C1S: variants seen among roughly 807,000 people sequenced by gnomAD.
The protein encoded by C1S is complement C1s subcomponent.
In C1S, 31 loss-of-function variants were observed where a neutral mutation model predicts 54.0. The observed-to-expected ratio is 0.57, with a 90% CI of 0.43 to 0.78. C1S has a LOEUF of 0.78. Among genes scored for constraint, C1S ranks in the 30% least tolerant of loss-of-function variants. The pLI, the probability that C1S is intolerant of heterozygous loss-of-function variation, is 0.00. For missense variants in C1S, 727 were observed against 851.8 expected (o/e 0.85, Z 1.82); for synonymous variants, 292 against 303.6 (o/e 0.96, Z 0.40).
At chr12:7,062,286 A>AAAAAAAG in intron 2 of C1S, 189 bp from the exon 3 acceptor site, 2 of 563,162 alleles carry the variant, frequency 3.6e-6, no homozygotes, top group South Asian at 2.0e-5. Context: ...AAAAAAAAAA[A>AAAAAAAG]GGGCTCTTGT....
chr12:7,066,172 A>G, intron 7 of C1S: 1 of 627,072 alleles, frequency 1.6e-6, no homozygotes, highest in Non-Finnish European at 2.8e-6. Flanking sequence ...CTTGTCTCTA[A>G]AACAAAACAA....
At chr12:7,066,932 G>T in intron 8 of C1S, 107 bp from the exon 9 acceptor site, 1 of 828,570 alleles carries the variant, frequency 1.2e-6, no homozygotes, top group Non-Finnish European at 2.1e-6. Flanking sequence ...CAAGCTTCTT[G>T]TGGTGAGGAC....
intron 7 of C1S, chr12:7,066,218 T>G: frequency 1.6e-6 from 1 of 609,482 alleles, no homozygotes; most frequent in South Asian, 2.0e-5. Flanking sequence ...ACAGATAGAT[T>G]GTTGTTCTGA....
intron 5 of C1S, 67 bp downstream of exon 5, chr12:7,064,459 C>T (rs140733400): frequency 1.3e-5 from 21 of 1,579,646 alleles, no homozygotes; most frequent in Admixed American, 1.7e-5. Context: ...TCAGAAAGGG[C>T]TTTGTCCACC....
intron 4 of C1S, chr12:7,063,502 C>A: frequency 2.8e-6 from 1 of 361,982 alleles, no homozygotes. Context: ...GGCATTCAAA[C>A]CTTCAAATTC....
intron 8 of C1S, 95 bp from the exon 9 acceptor site, chr12:7,066,944 C>T: frequency 1.1e-6 from 1 of 892,268 alleles, no homozygotes. Flanking sequence ...GGTGAGGACT[C>T]CTCATTGATC....
Position 7,064,272 on chromosome 12 carries a change from AATGAATGC to A in C1S, c.399_406del (p.Glu134ArgfsTer8). ...CCTCTTTCTACTCTTTGTAGACATA[AATGAATGC>A]ACAGATTTTGTAGATGTCCCTTGTA... is the stretch of plus-strand genomic sequence containing the variant. On this transcript the variant is annotated frameshift_variant, in exon 5 of 12. Coordinates refer to ENST00000360817, the MANE Select transcript of C1S (RefSeq NM_001734.5). LOFTEE classifies it high-confidence loss of function. 4 of 1,614,042 alleles carry A rather than the reference AATGAATGC, an allele frequency of 2.5e-6. No individual in the cohort carries two copies. The highest frequency in any genetic ancestry group is 3.4e-6 in the Non-Finnish European group (4 of 1,179,944).
chr12:7,064,070 G>GGTATATATATATATATATATA, intron 4 of C1S, 197 bp from the exon 5 acceptor site: 1 of 672,836 alleles, frequency 1.5e-6, no homozygotes. Context: ...TTATAGCTGT[G>GGTATATATATATATATATATA]TAGTGGTAGG....
At chr12:7,068,367 G>C in intron 10 of C1S, 89 bp from the exon 11 acceptor site, 1 of 913,572 alleles carries the variant, frequency 1.1e-6, no homozygotes, top group Non-Finnish European at 1.8e-6. Flanking sequence ...GGTTCTGAAG[G>C]AACGGGGCAG....
chr12:7,063,837 CA>C (rs1555161647), intron 4 of C1S: 3 of 366,342 alleles, frequency 8.2e-6, no homozygotes, highest in African/African-American at 6.4e-5. Context: ...CCAGCCTGGC[CA>C]ACATGGTGAA....
At position 7,065,170 on chromosome 12, in the gene C1S, T is replaced by A; in HGVS notation, c.588T>A (p.Tyr196Ter). ...CAAGTCCCAATTATCCCAAACCATA[T>A]CCAGAGAACTCAAGGTGTGAATACC... The part of the protein sequence containing the change: ...EIASPNYPKP[Y>*]PENSRCEYQI... Residue 196 changes from tyrosine to a stop codon, truncating the protein, a stop_gained, in exon 6 of 12, where the codon TAT becomes TAA. Coordinates refer to ENST00000360817, the MANE Select transcript of C1S (RefSeq NM_001734.5). LOFTEE classifies it high-confidence loss of function. 6.2e-7 allele frequency: 1 copy of A among 1,614,044 alleles called. No homozygotes were observed. Among genetic ancestry groups the A allele is most frequent in the Non-Finnish European group, 8.5e-7 (1 of 1,179,946 alleles).
chr12:7,066,736 A>G (rs1269639194), intron 8 of C1S, 103 bp downstream of exon 8: 2 of 775,494 alleles, frequency 2.6e-6, no homozygotes, highest in African/African-American at 1.7e-5. Context: ...TGATCAAGGT[A>G]TAACACCTTT....
chr12:7,067,410 A>G (rs1555162447), intron 9 of C1S: 1 of 672,700 alleles, frequency 1.5e-6, no homozygotes, highest in Non-Finnish European at 2.7e-6. Flanking sequence ...ACTGAGAACC[A>G]GGCTCTTCAC....
Position 7,064,364 on chromosome 12 carries a change from C to A in C1S, c.489C>A (p.Phe163Leu), listed in dbSNP as rs781962493. 3 of 1,614,084 alleles carry A rather than the reference C, an allele frequency of 1.9e-6. No homozygotes were observed. The South Asian group carries it at 3.3e-5, about 18-fold the overall frequency. ...GYFCSCPPEY[F>L]LHDDMKNCGV... ...TCTGCTCCTGCCCCCCGGAATATTT[C>A]CTCCATGATGACATGAAGAATTGCG... Residue 163 changes from phenylalanine to leucine, a missense_variant, in exon 5 of 12, where the codon TTC (phenylalanine) becomes TTA (leucine). Coordinates refer to ENST00000360817, the MANE Select transcript of C1S (RefSeq NM_001734.5).
chr12:7,066,805 G>A, intron 8 of C1S, 172 bp downstream of exon 8: 1 of 707,916 alleles, frequency 1.4e-6, no homozygotes, highest in Non-Finnish European at 2.6e-6. Flanking sequence ...GGAGCTGCCT[G>A]GCCAGCTTGG....
intron 4 of C1S, among the ~76,000 whole-genome samples, chr12:7,063,716 A>G (rs1192895814): frequency 1.3e-5 from 2 of 152,192 alleles, no homozygotes; most frequent in African/African-American, 4.8e-5. Context: ...AGAAAAGTCA[A>G]GGATCTCTGA....
chr12:7,062,366 A>T, intron 2 of C1S, 109 bp from the exon 3 acceptor site: 2 of 818,714 alleles, frequency 2.4e-6, no homozygotes, highest in Admixed American at 3.9e-5. Flanking sequence ...CCCATGGCCG[A>T]TTGACTGCCT....
In C1S at chr12:7,066,643, C is replaced by CTCCACA; in HGVS notation, c.987+10_987+11insTCCACA. 1 of 1,518,736 alleles carries CTCCACA rather than the reference C, an allele frequency of 6.6e-7. No homozygotes were observed. Among genetic ancestry groups the CTCCACA allele is most frequent in the Non-Finnish European group, 9.2e-7 (1 of 1,092,850 alleles). The allele number at this position is 1,518,736 out of a possible 1,614,324, so 94.1% of individuals were successfully genotyped here. A position where few individuals can be genotyped will look rare whatever the true frequency, so the allele number is the denominator to read the frequency against. On this transcript the variant is annotated intron_variant, in intron 8 of 11. Coordinates refer to ENST00000360817, the MANE Select transcript of C1S (RefSeq NM_001734.5). ...GTTTGAAGTTGTGGAGGTAAAGTAC[C>CTCCACA]ACCTTGGCTTCTCCCCAGTCCCTGG...
At chr12:7,067,895 C>G in intron 10 of C1S, 124 bp downstream of exon 10, 1 of 1,056,604 alleles carries the variant, frequency 9.5e-7, no homozygotes, top group South Asian at 1.3e-5. Context: ...CATTGTTCAT[C>G]CCCTTGGCTT....
Sources: allele counts gnomAD v4.1 joint callset (sites outside exome capture counted in the v4.1 genomes callset), GRCh38; gene constraint gnomAD v4.1.1; transcripts MANE v1.5; gene names NCBI Gene and HGNC (gene_info 2026-07-23, HGNC 2026-07-21).